SH3BGRL2: variants seen among roughly 807,000 people sequenced by gnomAD.
The protein encoded by SH3BGRL2 is SH3 domain binding glutamate rich protein like 2, also known as SH3 domain-binding glutamic acid-rich-like protein 2.
A neutral mutation model predicts 14.8 loss-of-function variants in SH3BGRL2; 21 were observed. That is an observed-to-expected ratio of 1.42 (90% confidence interval 1.01 to 2.05). SH3BGRL2 has a LOEUF of 2.05. SH3BGRL2 is among the 30% of genes most tolerant of loss of function. The probability of loss-of-function intolerance (pLI) is 0.00; values close to 1 mark genes in which losing one functional copy is unlikely to be tolerated. For missense variants in SH3BGRL2, 147 were observed against 130.8 expected (o/e 1.12, Z -0.61); for synonymous variants, 50 against 47.8 (o/e 1.05, Z -0.19).
At chr6:79,605,507 A>G in the SH3BGRL2 span, among the ~76,000 whole-genome samples, 1 of 152,266 alleles carries the variant, frequency 6.6e-6, no homozygotes, top group Non-Finnish European at 1.5e-5. Flanking sequence ...TTCTTCACAG[A>G]GTATTATCCA....
chr6:79,684,952 A>C (rs1269721707), intron 2 of SH3BGRL2, among the ~76,000 whole-genome samples: 3 of 152,190 alleles, frequency 2.0e-5, no homozygotes, highest in African/African-American at 7.2e-5. Flanking sequence ...AGTAGTAGAG[A>C]GGGTGTGATA....
At chr6:79,630,290 C>T (rs1179435112), upstream of SH3BGRL2, among the ~76,000 whole-genome samples, 2 of 152,130 alleles carry the variant, frequency 1.3e-5, no homozygotes, top group African/African-American at 2.4e-5. Context: ...GAGCCAGAGA[C>T]CTCATCATCT....
At chr6:79,622,646 G>GT in the SH3BGRL2 span, among the ~76,000 whole-genome samples, 1 of 152,086 alleles carries the variant, frequency 6.6e-6, no homozygotes, top group Admixed American at 6.5e-5. Flanking sequence ...TTTCCAGCAT[G>GT]TAGTACAGTG....
the SH3BGRL2 span, among the ~76,000 whole-genome samples, chr6:79,571,953 G>T: frequency 1.2e-4 from 18 of 152,194 alleles, no homozygotes; most frequent in African/African-American, 4.1e-4. Context: ...CAGAAAAGTT[G>T]CAGAATACAG....
chr6:79,700,755 A>G lies in SH3BGRL2; in HGVS notation c.*1246A>G, dbSNP rs998640152. The G allele has an allele frequency of 1.3e-5, 2 of 152,192 alleles. No homozygotes were observed. Among genetic ancestry groups the G allele is most frequent in the Non-Finnish European group, 2.9e-5 (2 of 68,030 alleles). 9.4% of individuals were successfully genotyped at this position (152,192 alleles called of 1,614,324 possible). A position where few individuals can be genotyped will look rare whatever the true frequency, so the allele number is the denominator to read the frequency against. On this transcript the variant is annotated 3_prime_UTR_variant, in exon 4 of 4. Transcript: ENST00000369838. ...ACATCGAACATATCTACTTCATTAG[A>G]GCAGAGGCTATTTTTCTGCATTCTT...
Position 79,676,603 on chromosome 6 carries a change from GTA to G in SH3BGRL2, c.231+2806_231+2807del, listed in dbSNP as rs1364126998. ...GAATCTCCTAGCTTTATGTCTTTAT[GTA>G]TGTGTGTGTGTGTGTGTGTGTGTGT... On this transcript the variant is annotated intron_variant, in intron 2 of 3. Transcript: ENST00000369838. Among the ~76,000 whole-genome samples, 745 of 119,032 alleles carry G rather than the reference GTA, an allele frequency of 6.3e-3. 4 individuals carry two copies. The highest frequency in any genetic ancestry group is 0.027 in the South Asian group (79 of 2,922). The allele number at this position is 119,032 out of a possible 152,430, so 78.1% of individuals were successfully genotyped here. A position where few individuals can be genotyped will look rare whatever the true frequency, so the allele number is the denominator to read the frequency against.
the SH3BGRL2 span, among the ~76,000 whole-genome samples, chr6:79,546,623 T>A: frequency 5.9e-5 from 9 of 152,046 alleles, no homozygotes; most frequent in African/African-American, 2.2e-4. Context: ...AAGAAAATAA[T>A]TCATAGAAAT....
chr6:79,566,468 T>C, the SH3BGRL2 span, among the ~76,000 whole-genome samples: 13 of 152,280 alleles, frequency 8.5e-5, no homozygotes, highest in African/African-American at 3.1e-4. Context: ...TATATTATTC[T>C]ATTGTCCCAA....
chr6:79,691,478 T>C (rs1376871664), intron 2 of SH3BGRL2, among the ~76,000 whole-genome samples: 1 of 148,032 alleles, frequency 6.8e-6, no homozygotes, highest in Non-Finnish European at 1.5e-5. Flanking sequence ...TAGCATTAGG[T>C]ATATCTCCTA....
chr6:79,590,455 A>ATATATATATATATATATG, the SH3BGRL2 span, among the ~76,000 whole-genome samples: 44 of 116,128 alleles, frequency 3.8e-4, 3 homozygotes, highest in East Asian at 7.0e-3. Context: ...ATATATATAT[A>ATATATATATATATATATG]TATATATATG....
chr6:79,610,632 C>T, the SH3BGRL2 span, among the ~76,000 whole-genome samples: 8 of 152,228 alleles, frequency 5.3e-5, no homozygotes, highest in Non-Finnish European at 1.2e-4. Flanking sequence ...GACTTCACTT[C>T]ATGGGAGACA....
chr6:79,619,637 T>C, the SH3BGRL2 span, among the ~76,000 whole-genome samples: 4 of 152,190 alleles, frequency 2.6e-5, no homozygotes, highest in African/African-American at 9.6e-5. Flanking sequence ...CACTTGCCTT[T>C]GCAGGAGATG....
chr6:79,690,764 C>A (rs1033439933), intron 2 of SH3BGRL2, among the ~76,000 whole-genome samples: 2 of 151,986 alleles, frequency 1.3e-5, no homozygotes, highest in African/African-American at 4.8e-5. Context: ...AGTATAACAC[C>A]CCCTTGACTG....
At chr6:79,679,300 C>T (rs1399977437) in intron 2 of SH3BGRL2, among the ~76,000 whole-genome samples, 2 of 152,018 alleles carry the variant, frequency 1.3e-5, no homozygotes, top group South Asian at 2.1e-4. Flanking sequence ...TTAATAATGG[C>T]CATTCTGACT....
the SH3BGRL2 span, among the ~76,000 whole-genome samples, chr6:79,596,151 AC>A: frequency 6.6e-6 from 1 of 152,188 alleles, no homozygotes; most frequent in Non-Finnish European, 1.5e-5. Context: ...ATATTACAAA[AC>A]CTTCTGGGTT....
At chr6:79,615,709 C>T in the SH3BGRL2 span, among the ~76,000 whole-genome samples, 1 of 151,974 alleles carries the variant, frequency 6.6e-6, no homozygotes, top group Non-Finnish European at 1.5e-5. Flanking sequence ...AGTTGTAGCA[C>T]ACAATAAACT....
At chr6:79,551,036 A>G in the SH3BGRL2 span, among the ~76,000 whole-genome samples, 1 of 152,234 alleles carries the variant, frequency 6.6e-6, no homozygotes, top group Non-Finnish European at 1.5e-5. Context: ...CCAGTCTACT[A>G]TGGGGAAAGC....
the SH3BGRL2 span, among the ~76,000 whole-genome samples, chr6:79,562,546 A>T: frequency 5.9e-5 from 9 of 152,314 alleles, no homozygotes; most frequent in African/African-American, 2.2e-4. Flanking sequence ...TTGGTTTCCC[A>T]CTATTCCTTA....
the SH3BGRL2 span, among the ~76,000 whole-genome samples, chr6:79,550,578 C>A: frequency 2.0e-5 from 3 of 152,094 alleles, no homozygotes; most frequent in Admixed American, 6.6e-5. Flanking sequence ...TCATGTCTGC[C>A]ACCAACTAGA....
Sources: allele counts gnomAD v4.1 joint callset (sites outside exome capture counted in the v4.1 genomes callset), GRCh38; gene constraint gnomAD v4.1.1; transcripts MANE v1.5; gene names NCBI Gene and HGNC (gene_info 2026-07-23, HGNC 2026-07-21).